Variants in TAF4B observed in about 807,000 individuals in gnomAD.
TAF4B encodes the protein TATA-box binding protein associated factor 4b.
TAF4B carries 38 observed loss-of-function variants against 86.4 expected under a neutral mutation model. The ratio of observed to expected loss-of-function variants is 0.44; its 90% CI spans 0.34 to 0.58. The LOEUF (loss-of-function observed/expected upper bound fraction) is 0.58, where lower values mean the gene tolerates loss of function less well. TAF4B is among the 20% of genes least tolerant of loss of function. The pLI, the probability that TAF4B is intolerant of heterozygous loss-of-function variation, is 0.02. For missense variants in TAF4B, 988 were observed against 1,027.6 expected, an observed-to-expected ratio of 0.96 and a Z score of 0.53; for synonymous variants, 388 against 391.2, an observed-to-expected ratio of 0.99 and a Z score of 0.10.
intron 6 of TAF4B, among the ~76,000 whole-genome samples, chr18:26,285,222 G>GTTTTTTTTTTTTTTTTGT (rs776976703): frequency 2.2e-5 from 1 of 45,660 alleles, no homozygotes; most frequent in Non-Finnish European, 4.5e-5. Flanking sequence ...TTTTTTTTTT[G>GTTTTTTTTTTTTTTTTGT]TTTTTTTTTT....
intron 14 of TAF4B, among the ~76,000 whole-genome samples, chr18:26,377,990 C>G (rs1471322989): frequency 6.6e-6 from 1 of 152,136 alleles, no homozygotes; most frequent in Admixed American, 6.5e-5. Context: ...AAATGGCAAG[C>G]TAGATTAAGT....
chr18:26,257,173 A>G (rs143031572), intron 1 of TAF4B, among the ~76,000 whole-genome samples: 53 of 152,220 alleles, frequency 3.5e-4, no homozygotes, highest in African/African-American at 1.2e-3. Flanking sequence ...TTCTTCATTG[A>G]AAGTGGGGTA....
At chr18:26,255,602 C>CAAAAAAAAA (rs1433638025) in intron 1 of TAF4B, 1 of 371,674 alleles carries the variant, frequency 2.7e-6, no homozygotes. Flanking sequence ...AACTCTGTCT[C>CAAAAAAAAA]CAAAAAAAAA....
chr18:26,265,161 T>A lies in TAF4B; in HGVS notation c.344-9T>A. The A allele has an allele frequency of 6.2e-7, 1 of 1,602,902 alleles. No homozygotes were observed. Among genetic ancestry groups the A allele is most frequent in the Non-Finnish European group, 8.5e-7 (1 of 1,177,336 alleles). On this transcript the variant is annotated splice_polypyrimidine_tract_variant and intron_variant, in intron 1 of 14. Transcript: ENST00000269142. ...TCAGAGGTCACTTTTTTTTCTTTTT[T>A]AAATATAGGAACCGTTTTGATTAAA...
At chr18:26,298,007 T>C (rs1198228541) in intron 9 of TAF4B, among the ~76,000 whole-genome samples, 1 of 151,338 alleles carries the variant, frequency 6.6e-6, no homozygotes. Flanking sequence ...TTGCTAACAA[T>C]TGATACTGCA....
At chr18:26,326,128 G>A (rs928254695) in intron 11 of TAF4B, among the ~76,000 whole-genome samples, 1 of 152,120 alleles carries the variant, frequency 6.6e-6, no homozygotes, top group African/African-American at 2.4e-5. Flanking sequence ...TAGATGGCAA[G>A]ATGTCTTAAA....
chr18:26,363,866 G>A (rs2144318827), intron 14 of TAF4B, among the ~76,000 whole-genome samples: 1 of 152,254 alleles, frequency 6.6e-6, no homozygotes, highest in Admixed American at 6.5e-5. Context: ...TCTTCAGAGG[G>A]TAACTCTTTA....
chr18:26,287,798 A>T (rs2144600909), intron 7 of TAF4B, among the ~76,000 whole-genome samples: 1 of 152,290 alleles, frequency 6.6e-6, no homozygotes, highest in East Asian at 1.9e-4. Flanking sequence ...TTGTCGTCTG[A>T]GGCAACAGGG....
intron 10 of TAF4B, among the ~76,000 whole-genome samples, chr18:26,318,296 G>C (rs1165069927): frequency 6.6e-6 from 1 of 151,656 alleles, no homozygotes. Context: ...TAGTGATGAA[G>C]TACAAACCTG....
intron 9 of TAF4B, chr18:26,295,171 C>T (rs190932740): frequency 9.7e-5 from 32 of 330,032 alleles, no homozygotes; most frequent in African/African-American, 6.7e-4. Context: ...CTTCCTCATC[C>T]CCCCATGTAC....
chr18:26,315,045 A>G (rs2056887257), intron 9 of TAF4B, among the ~76,000 whole-genome samples, 184 bp from the exon 10 acceptor site: 1 of 151,246 alleles, frequency 6.6e-6, no homozygotes, highest in Admixed American at 6.6e-5. Flanking sequence ...ATTAAGTAAA[A>G]TAATGCCGTT....
chr18:26,357,665 G>T, intron 13 of TAF4B, 25 bp from the exon 14 acceptor site: 1 of 1,523,190 alleles, frequency 6.6e-7, no homozygotes, highest in Non-Finnish European at 9.0e-7. Context: ...TATAAACATT[G>T]ATATTTTTTT....
chr18:26,257,382 G>T (rs946907362), intron 1 of TAF4B, among the ~76,000 whole-genome samples: 4 of 152,082 alleles, frequency 2.6e-5, no homozygotes, highest in Non-Finnish European at 4.4e-5. Flanking sequence ...CAGCTTTCTT[G>T]TGGTTCTGTT....
intron 3 of TAF4B, among the ~76,000 whole-genome samples, chr18:26,271,540 G>C (rs1473003393): frequency 6.6e-6 from 1 of 152,108 alleles, no homozygotes; most frequent in Non-Finnish European, 1.5e-5. Context: ...CTGTCCTCAA[G>C]ACATGCCTAG....
chr18:26,303,672 C>G (rs373566497), intron 9 of TAF4B, among the ~76,000 whole-genome samples: 4 of 33,266 alleles, frequency 1.2e-4, no homozygotes. Flanking sequence ...ACTTTCATAC[C>G]CCCTCCACTT....
intron 14 of TAF4B, among the ~76,000 whole-genome samples, chr18:26,382,793 T>C (rs1230062476): frequency 2.6e-5 from 4 of 152,210 alleles, no homozygotes; most frequent in Non-Finnish European, 5.9e-5. Context: ...CAAAATCTTT[T>C]TATTCTAGTA....
In TAF4B at chr18:26,227,043, G is replaced by A. The variant is rs1372564948; in HGVS notation, c.110G>A (p.Ser37Asn). The change falls in exon 1 of 15, where the codon AGC becomes AAC. Residue 37 changes from serine (S) to asparagine (N), a missense_variant. By Grantham distance (46) the Ser-to-Asn change is conservative (BLOSUM62 1). This residue lies in a region of TAF4B where 747 missense variants were observed against 737.9 expected (regional missense o/e 1.01). Transcript: ENST00000269142. ...GGGGCGCTGCCGGTGCGGGTGGAGAGCACTCCGGTGGCCCTGGGCGCCGTG... is the reference window on the plus strand; with the variant it reads ...GGGGCGCTGCCGGTGCGGGTGGAGAACACTCCGGTGGCCCTGGGCGCCGTG... ...PAGALPVRVE[S>N]TPVALGAVTK... 6.4e-7 allele frequency: 1 copy of A among 1,563,384 alleles called. No homozygotes were observed. The highest frequency in any genetic ancestry group is 2.4e-5 in the East Asian group (1 of 41,000).
At chr18:26,341,507 A>T (rs913828581) in intron 13 of TAF4B, among the ~76,000 whole-genome samples, 3 of 152,158 alleles carry the variant, frequency 2.0e-5, no homozygotes, top group Non-Finnish European at 4.4e-5. Flanking sequence ...TATAAATCAA[A>T]TGTTATTGGT....
chr18:26,292,175 T>A lies in TAF4B; in HGVS notation c.1591-71T>A. 2.6e-6 allele frequency: 4 copies of A among 1,517,680 alleles called. No homozygotes were observed. The Admixed American group carries it at 8.5e-5, about 32-fold the overall frequency. 94.0% of individuals were successfully genotyped at this position (1,517,680 alleles called of 1,614,324 possible). A position where few individuals can be genotyped will look rare whatever the true frequency, so the allele number is the denominator to read the frequency against. On this transcript the variant is annotated intron_variant, in intron 7 of 14. Coordinates refer to ENST00000269142, the MANE Select transcript of TAF4B (RefSeq NM_005640.3). ...GGCTGGGGGAACACAATCTGTTGTT[T>A]AAAACTGAAATCTTATCCTTTTCTA... is the stretch of plus-strand genomic sequence containing the variant.
Sources: gnomAD v4.1 joint callset for allele counts (sites outside exome capture counted in the v4.1 genomes callset) on GRCh38, gnomAD v4.1.1 for gene constraint, gnomAD v4.1.1 regional missense constraint, MANE v1.5 for transcripts, NCBI Gene and HGNC (gene_info 2026-07-23, HGNC 2026-07-21) for gene names.